The following ZNF248 variants were observed in gnomAD, a reference collection of about 807,000 sequenced individuals.
ZNF248 encodes zinc finger protein 248.
A neutral mutation model predicts 44.3 loss-of-function variants in ZNF248; 20 were observed. That is an observed-to-expected ratio of 0.45 (90% CI 0.32 to 0.66). ZNF248 has a LOEUF of 0.66. ZNF248 is among the 30% of genes least tolerant of loss of function. ZNF248 has a pLI of 0.04. For missense variants in ZNF248, 654 were observed against 677.0 expected (o/e 0.97, Z 0.38); for synonymous variants, 224 against 229.0 (o/e 0.98, Z 0.20).
chr10:37,799,222 TAATA>T (rs1233181663), intron 6 of ZNF248, among the ~76,000 whole-genome samples: 73 of 152,096 alleles, frequency 4.8e-4, no homozygotes, highest in African/African-American at 1.6e-3. Flanking sequence ...TTTTAAAGAT[TAATA>T]TATAATAAAA....
chr10:37,846,488 A>T (rs76623557), intron 3 of ZNF248, among the ~76,000 whole-genome samples: 1,717 of 152,026 alleles, frequency 0.011, 39 homozygotes, highest in African/African-American at 0.038. Flanking sequence ...CAAAAAAAAA[A>T]TTTTTTAATT....
chr10:37,820,701 CTTT>C (rs2133616003), intron 6 of ZNF248: 4 of 1,360,546 alleles, frequency 2.9e-6, no homozygotes, highest in Admixed American at 1.7e-5. Context: ...GTCTCTACTT[CTTT>C]ATCACTCAAG....
chr10:37,780,678 G>GGCGCGCACCCCGCGCGGGGCCTGGACGC (rs2047181074), intron 6 of ZNF248, among the ~76,000 whole-genome samples: 1 of 152,166 alleles, frequency 6.6e-6, no homozygotes, highest in African/African-American at 2.4e-5. Flanking sequence ...CCAGGGCCAA[G>GGCGCGCACCCCGCGCGGGGCCTGGACGC]GCGCGCACCC....
intron 6 of ZNF248, among the ~76,000 whole-genome samples, chr10:37,789,992 T>C (rs1010925391): frequency 6.6e-6 from 1 of 151,862 alleles, no homozygotes; most frequent in South Asian, 2.1e-4. Flanking sequence ...CCGGGCGCCA[T>C]GGCTCATGCC....
chr10:37,840,007 T>C (rs2058051624), intron 3 of ZNF248, among the ~76,000 whole-genome samples: 1 of 152,106 alleles, frequency 6.6e-6, no homozygotes, highest in African/African-American at 2.4e-5. Flanking sequence ...TGGAATTAAA[T>C]AGAAACCAAT....
intron 5 of ZNF248, among the ~76,000 whole-genome samples, chr10:37,834,861 T>C (rs542110134): frequency 1.1e-4 from 16 of 152,222 alleles, no homozygotes; most frequent in South Asian, 1.0e-3. Flanking sequence ...AAATTTAAGA[T>C]ATAGAATAGG....
chr10:37,817,573 G>A (rs2052708372), intron 6 of ZNF248, among the ~76,000 whole-genome samples: 1 of 151,972 alleles, frequency 6.6e-6, no homozygotes, highest in South Asian at 2.1e-4. Context: ...TTGCAAACAG[G>A]AGACCAGAGA....
intron 6 of ZNF248, among the ~76,000 whole-genome samples, chr10:37,790,695 C>T (rs796628476): frequency 9.9e-5 from 14 of 142,066 alleles, no homozygotes; most frequent in African/African-American, 3.0e-4. Flanking sequence ...GGCGACAGAG[C>T]GAGGCTCCGT....
chr10:37,768,272 A>G, the ZNF248 span, among the ~76,000 whole-genome samples: 5 of 152,202 alleles, frequency 3.3e-5, no homozygotes, highest in Non-Finnish European at 7.3e-5. Flanking sequence ...TGCACCAAGC[A>G]GACCTAATAG....
At chr10:37,767,599 T>C in the ZNF248 span, among the ~76,000 whole-genome samples, 1 of 152,180 alleles carries the variant, frequency 6.6e-6, no homozygotes, top group African/African-American at 2.4e-5. Flanking sequence ...CCACCAGGCC[T>C]GCCCTAAAAT....
At chr10:37,794,088 C>G (rs957042964) in intron 6 of ZNF248, among the ~76,000 whole-genome samples, 4 of 152,086 alleles carry the variant, frequency 2.6e-5, no homozygotes, top group South Asian at 2.1e-4. Flanking sequence ...TGCATTTCAT[C>G]AGTTCTCTCA....
At chr10:37,837,867 G>T in intron 4 of ZNF248, 118 bp downstream of exon 4, 1 of 1,429,092 alleles carries the variant, frequency 7.0e-7, no homozygotes, top group South Asian at 1.3e-5. Context: ...CTTTATGGTG[G>T]CCAAATGGGA....
At chr10:37,816,834 G>A (rs988947093) in intron 6 of ZNF248, among the ~76,000 whole-genome samples, 13 of 152,130 alleles carry the variant, frequency 8.5e-5, no homozygotes, top group African/African-American at 1.4e-4. Flanking sequence ...TCTAGGAACC[G>A]TGTTTTAGGA....
Position 37,818,925 on chromosome 10 carries a change from C to T in ZNF248, c.330+14100G>A, listed in dbSNP as rs190718661. ...GACACTGATAGAAGATCACACCCAC[C>T]GACCACACAACAATTTTATTTGAGA... On this transcript the variant is annotated intron_variant, in intron 6 of 6. Coordinates refer to the ZNF248 transcript ENST00000615949. The T allele has an allele frequency of 4.6e-4, 508 of 1,103,496 alleles. 1 individual carries two copies. Among genetic ancestry groups the T allele is most frequent in the African/African-American group, 1.4e-3 (93 of 64,864 alleles). The allele number at this position is 1,103,496 out of a possible 1,614,324, so 68.4% of individuals were successfully genotyped here.
chr10:37,780,669 C>T (rs1229269707), intron 6 of ZNF248, among the ~76,000 whole-genome samples: 1 of 152,282 alleles, frequency 6.6e-6, no homozygotes, highest in South Asian at 2.1e-4. Context: ...CGCGCCCTTC[C>T]AGGGCCAAGG....
chr10:37,818,429 C>A (rs1368392789), intron 6 of ZNF248, among the ~76,000 whole-genome samples: 1 of 152,182 alleles, frequency 6.6e-6, no homozygotes, highest in Admixed American at 6.5e-5. Context: ...CCCATGGTTT[C>A]TCCTTAAAGA....
intron 6 of ZNF248, chr10:37,820,368 A>G: frequency 3.5e-6 from 5 of 1,448,730 alleles, no homozygotes; most frequent in Non-Finnish European, 4.8e-6. Context: ...CTCTGGGTCA[A>G]GCCGAGGTTT....
the ZNF248 span, among the ~76,000 whole-genome samples, chr10:37,768,224 G>A: frequency 6.6e-6 from 1 of 152,152 alleles, no homozygotes; most frequent in East Asian, 1.9e-4. Flanking sequence ...CAATGAGACA[G>A]AAAGTTAACA....
At chr10:37,800,349 ATAAG>A (rs1554817053) in intron 6 of ZNF248, among the ~76,000 whole-genome samples, 2 of 152,150 alleles carry the variant, frequency 1.3e-5, no homozygotes, top group Non-Finnish European at 2.9e-5. Context: ...GCTCCCTCTT[ATAAG>A]TAAGAATATA....
Sources: gnomAD v4.1 joint callset for allele counts (sites outside exome capture counted in the v4.1 genomes callset) on GRCh38, gnomAD v4.1.1 for gene constraint, MANE v1.5 for transcripts, NCBI Gene and HGNC (gene_info 2026-07-23, HGNC 2026-07-21) for gene names.